ZFYVE19: variants seen among roughly 807,000 people sequenced by gnomAD.
ZFYVE19 encodes the protein abscission/NoCut checkpoint regulator.
ZFYVE19 carries 49 observed loss-of-function variants against 62.8 expected under a neutral mutation model. The observed-to-expected ratio is 0.78, with a 90% CI of 0.62 to 0.99. The LOEUF is 0.99. Among genes scored for constraint, ZFYVE19 ranks in the 50% least tolerant of loss-of-function variants. ZFYVE19 has a pLI of 0.00. For synonymous variants in ZFYVE19, 242 were observed against 234.3 expected, an observed-to-expected ratio of 1.03 and a Z score of -0.30; for missense variants, 630 against 601.9, an observed-to-expected ratio of 1.05 and a Z score of -0.49.
At chr15:40,812,348 C>T (rs1890512128) in intron 6 of ZFYVE19, among the ~76,000 whole-genome samples, 1 of 151,822 alleles carries the variant, frequency 6.6e-6, no homozygotes, top group Admixed American at 6.6e-5. Context: ...GAGTTGGAGA[C>T]CAGCCTGACC....
intron 6 of ZFYVE19, 103 bp from the exon 7 acceptor site, chr15:40,812,594 AAT>A: frequency 7.0e-6 from 6 of 851,818 alleles, no homozygotes; most frequent in East Asian, 5.5e-5. Flanking sequence ...AGAAAGAAAA[AAT>A]TATTAAAGAA....
rs377215862 is a variant in ZFYVE19, at chr15:40,810,057, C to A, written c.572-14C>A. On this transcript the variant is annotated splice_polypyrimidine_tract_variant and intron_variant, in intron 4 of 10. Coordinates refer to ENST00000355341, the MANE Select transcript of ZFYVE19 (RefSeq NM_001077268.2). ...CCTCTGGCCCTTACAAGGCTCCCCCCATGCCAATTGCAGAGTTAGTCCCCT... is the reference window on the plus strand; with the variant it reads ...CCTCTGGCCCTTACAAGGCTCCCCCAATGCCAATTGCAGAGTTAGTCCCCT... 136 of 1,614,158 alleles carry A rather than the reference C, an allele frequency of 8.4e-5. 1 individual carries two copies. The South Asian group carries it at 1.4e-3, about 16-fold the overall frequency.
intron 3 of ZFYVE19, 75 bp downstream of exon 3, chr15:40,809,533 A>G (rs1890410745): frequency 1.3e-6 from 2 of 1,534,032 alleles, no homozygotes; most frequent in Admixed American, 3.5e-5. Flanking sequence ...CCCTGCCCCC[A>G]TCTTCTAGAT....
At chr15:40,813,257 G>C (rs1417493940) in intron 7 of ZFYVE19, 81 bp from the exon 8 acceptor site, 1 of 1,395,470 alleles carries the variant, frequency 7.2e-7, no homozygotes, top group Non-Finnish European at 1.0e-6. Context: ...AACCAGTTCT[G>C]GGAGGCAGGA....
chr15:40,809,596 T>C (rs1189835109), intron 3 of ZFYVE19, 138 bp downstream of exon 3: 2 of 1,153,040 alleles, frequency 1.7e-6, no homozygotes, highest in Non-Finnish European at 2.5e-6. Context: ...CTGACTGCCC[T>C]CTTGGGCTGG....
intron 9 of ZFYVE19, 57 bp from the exon 10 acceptor site, chr15:40,813,886 C>T: frequency 6.3e-7 from 1 of 1,592,496 alleles, no homozygotes; most frequent in South Asian, 1.1e-5. Flanking sequence ...GCTCCTGCAG[C>T]AGCTCACATA....
At chr15:40,813,498 A>G in intron 8 of ZFYVE19, 81 bp downstream of exon 8, 1 of 1,434,988 alleles carries the variant, frequency 7.0e-7, no homozygotes, top group South Asian at 1.2e-5. Flanking sequence ...CTGGGTGGAC[A>G]GTAACTGTGA....
chr15:40,811,013 T>G, intron 6 of ZFYVE19: 1 of 428,596 alleles, frequency 2.3e-6, no homozygotes, highest in South Asian at 2.3e-5. Flanking sequence ...TTACTTGACC[T>G]AAGTCTCACT....
At chr15:40,814,099 G>A (rs1411227756) in intron 10 of ZFYVE19, 29 bp downstream of exon 10, 1 of 1,614,220 alleles carries the variant, frequency 6.2e-7, no homozygotes, top group South Asian at 1.1e-5. Flanking sequence ...TTCTGTGCGA[G>A]AGCTCAAGGG....
rs1890622514 is a variant in ZFYVE19 at position 40,814,937 on chromosome 15, G to A, written c.*711G>A. On this transcript the variant is annotated 3_prime_UTR_variant, in exon 11 of 11. Transcript: ENST00000355341. The stretch of plus-strand genomic sequence containing the variant: ...CCTGTCCCAACCTGCCTGCCATTCA[G>A]TCTCAGTATCTCTCTTCCAGTAATG... 6.5e-6 allele frequency: 1 copy of A among 154,138 alleles called. No homozygotes were observed. The highest frequency in any genetic ancestry group is 2.0e-4 in the South Asian group (1 of 4,896). 9.5% of individuals were successfully genotyped at this position (154,138 alleles called of 1,614,324 possible). A position where few individuals can be genotyped will look rare whatever the true frequency, so the allele number is the denominator to read the frequency against.
At position 40,812,879 on chromosome 15, in the gene ZFYVE19, T is replaced by G; in HGVS notation, c.1007T>G (p.Leu336Arg). 1.2e-6 allele frequency: 2 copies of G among 1,612,504 alleles called. No individual in the cohort carries two copies. The highest frequency in any genetic ancestry group is 1.7e-6 in the Non-Finnish European group (2 of 1,179,936). ...GCCCTGGCCAAGCGACTAGCCATGC[T>G]GCGGGGACAGGACCCCGAGAGAGGT... is the stretch of plus-strand genomic sequence containing the variant. ...ILALAKRLAM[L>R]RGQDPERVTL... The change falls in exon 7 of 11, where the codon CTG becomes CGG. Residue 336 changes from leucine (L) to arginine (R), a missense_variant. Physicochemically the swap from Leu to Arg is moderately radical, Grantham distance 102 (BLOSUM62 -2). Coordinates refer to ENST00000355341, the MANE Select transcript of ZFYVE19 (RefSeq NM_001077268.2).
chr15:40,813,399 C>A lies in ZFYVE19; in HGVS notation c.1092C>A (p.Ile364=), dbSNP rs761178011. The part of the protein sequence containing the change: ...SDDDEDEETA[I]QRVLQQLTEE... ...ACGACGAGGATGAGGAGACAGCCAT[C>A]CAAAGAGTCCTGCAGCAGGTGGGCC... Residue 364 remains isoleucine, a synonymous_variant, in exon 8 of 11, where the codon ATC becomes ATA. Transcript: ENST00000355341. The A allele has an allele frequency of 8.7e-6, 14 of 1,608,774 alleles. No individual in the cohort carries two copies. The South Asian group carries it at 1.6e-4, about 18-fold the overall frequency.
intron 7 of ZFYVE19, 160 bp from the exon 8 acceptor site, chr15:40,813,178 A>C (rs1890551324): frequency 1.4e-6 from 1 of 696,798 alleles, no homozygotes; most frequent in East Asian, 2.7e-5. Flanking sequence ...GGGCTGGGGC[A>C]GGCAGGGACA....
At chr15:40,811,067 C>T in intron 6 of ZFYVE19, 1 of 326,262 alleles carries the variant, frequency 3.1e-6, no homozygotes, top group Non-Finnish European at 5.9e-6. Flanking sequence ...AAACCTACCT[C>T]ACAGGGAAAT....
chr15:40,807,837 G>A lies in ZFYVE19; in HGVS notation c.248G>A (p.Cys83Tyr). ...GATMESRCYG[C>Y]AVKFTLFKKE... The stretch of plus-strand genomic sequence containing the variant: ...ACCATGGAGAGTAGGTGCTACGGCT[G>A]CGCTGTCAAGTTCACCCTCTTCAAG... The change falls in exon 1 of 11, where the codon TGC (cysteine) becomes TAC (tyrosine). Residue 83 changes from cysteine to tyrosine, a missense_variant. Physicochemically the swap from Cys to Tyr is radical, Grantham distance 194. Coordinates refer to ENST00000355341, the MANE Select transcript of ZFYVE19 (RefSeq NM_001077268.2). 1.3e-6 allele frequency: 2 copies of A among 1,536,326 alleles called. No individual in the cohort carries two copies. The highest frequency in any genetic ancestry group is 1.7e-6 in the Non-Finnish European group (2 of 1,148,810).
intron 7 of ZFYVE19, 85 bp downstream of exon 7, chr15:40,812,987 C>A: frequency 6.8e-7 from 1 of 1,479,458 alleles, no homozygotes; most frequent in Non-Finnish European, 9.2e-7. Context: ...GGGGTATTTG[C>A]GCCCAGAGAT....
At chr15:40,807,895 AG>A in intron 1 of ZFYVE19, 27 bp downstream of exon 1, 2 of 1,543,140 alleles carry the variant, frequency 1.3e-6, no homozygotes, top group South Asian at 2.4e-5. Context: ...CGAGGGCTGC[AG>A]GGCCAGGGAG....
At chr15:40,810,507 G>A in intron 5 of ZFYVE19, 142 bp from the exon 6 acceptor site, 1 of 1,451,790 alleles carries the variant, frequency 6.9e-7, no homozygotes, top group Admixed American at 2.6e-5. Flanking sequence ...AGTCCTGTTG[G>A]GGACGGCCAG....
intron 6 of ZFYVE19, among the ~76,000 whole-genome samples, chr15:40,811,937 C>T (rs1183836075): frequency 6.6e-6 from 1 of 152,208 alleles, no homozygotes; most frequent in Non-Finnish European, 1.5e-5. Flanking sequence ...GATATACAAG[C>T]TCTTAGCTTC....
Sources: gnomAD v4.1 joint callset for allele counts (sites outside exome capture counted in the v4.1 genomes callset) on GRCh38, gnomAD v4.1.1 for gene constraint, MANE v1.5 for transcripts, NCBI Gene and HGNC (gene_info 2026-07-23, HGNC 2026-07-21) for gene names.